Variants in SMIM14 observed in about 807,000 individuals in gnomAD.
The protein encoded by SMIM14 is chromosome 4 open reading frame 34.
In SMIM14, 5 loss-of-function variants were observed where a neutral mutation model predicts 12.6. The ratio of observed to expected loss-of-function variants is 0.40; its 90% CI spans 0.21 to 0.83. The LOEUF is 0.83. Among genes scored for constraint, SMIM14 ranks in the 40% least tolerant of loss-of-function variants. SMIM14 has a pLI of 0.37. For synonymous variants in SMIM14, 30 were observed against 40.1 expected, an observed-to-expected ratio of 0.75 and a Z score of 0.95; for missense variants, 86 against 119.1, an observed-to-expected ratio of 0.72 and a Z score of 1.29.
chr4:39,584,493 A>AAAAAAAAAAAAAAAAAAC (rs1713679117), intron 2 of SMIM14, among the ~76,000 whole-genome samples: 1 of 140,152 alleles, frequency 7.1e-6, no homozygotes, highest in Non-Finnish European at 1.6e-5. Context: ...AAAAAAAAAA[A>AAAAAAAAAAAAAAAAAAC]AAAAAAAAAA....
At chr4:39,630,018 A>G (rs1715844389) in intron 1 of SMIM14, among the ~76,000 whole-genome samples, 1 of 152,192 alleles carries the variant, frequency 6.6e-6, no homozygotes, top group Non-Finnish European at 1.5e-5. Flanking sequence ...TTTGTTAAAG[A>G]TGAATGTTAT....
In SMIM14 at chr4:39,638,805, G is replaced by C; in HGVS notation, c.-102C>G. On this transcript the variant is annotated 5_prime_UTR_variant, in exon 1 of 5. Coordinates refer to ENST00000295958, the MANE Select transcript of SMIM14 (RefSeq NM_174921.3). ...GGGACCGAGGCTCGGCAGAAAGACCGCCTGGAGCTTCCAGAAGGCTGCGGC... is the reference window on the plus strand; with the variant it reads ...GGGACCGAGGCTCGGCAGAAAGACCCCCTGGAGCTTCCAGAAGGCTGCGGC... The C allele has an allele frequency of 1.0e-6, 1 of 985,788 alleles. No individual in the cohort carries two copies. The highest frequency in any genetic ancestry group is 1.2e-6 in the Non-Finnish European group (1 of 830,210). The allele number at this position is 985,788 out of a possible 1,614,324, so 61.1% of individuals were successfully genotyped here. A position where few individuals can be genotyped will look rare whatever the true frequency, so the allele number is the denominator to read the frequency against.
intron 4 of SMIM14, among the ~76,000 whole-genome samples, chr4:39,552,496 G>A (rs1172871262): frequency 2.0e-5 from 3 of 152,166 alleles, no homozygotes; most frequent in Admixed American, 2.0e-4. Flanking sequence ...TCAAACCTAT[G>A]AAAATATCTT....
rs1261682755 is a variant in SMIM14, at chr4:39,549,519, C to G, written c.*2607G>C. 1 of 152,186 alleles carries G rather than the reference C, an allele frequency of 6.6e-6. No homozygotes were observed. The highest frequency in any genetic ancestry group is 1.5e-5 in the Non-Finnish European group (1 of 68,060). 9.4% of individuals were successfully genotyped at this position (152,186 alleles called of 1,614,324 possible). A position where few individuals can be genotyped will look rare whatever the true frequency, so the allele number is the denominator to read the frequency against. On this transcript the variant is annotated 3_prime_UTR_variant, in exon 5 of 5. Coordinates refer to ENST00000295958, the MANE Select transcript of SMIM14 (RefSeq NM_174921.3). ...AACCTCCTGACCTCAAGTGATCCAC[C>G]TGCCCCAGCCTCCCAAAGTGCTGGG...
chr4:39,590,917 GTCTATCC>G (rs1714042189), intron 2 of SMIM14, among the ~76,000 whole-genome samples: 1 of 151,932 alleles, frequency 6.6e-6, no homozygotes, highest in Non-Finnish European at 1.5e-5. Context: ...GAGACTCACC[GTCTATCC>G]TTATCTACCT....
intron 1 of SMIM14, among the ~76,000 whole-genome samples, chr4:39,607,410 T>A (rs6531728): frequency 0.93 from 141,157 of 152,248 alleles, 66,364 homozygotes; most frequent in Non-Finnish European, 1. Flanking sequence ...AATTGAGTGA[T>A]TAACATAAAT....
intron 2 of SMIM14, among the ~76,000 whole-genome samples, chr4:39,601,974 G>A (rs1056774501): frequency 6.7e-6 from 1 of 149,670 alleles, no homozygotes; most frequent in African/African-American, 2.4e-5. Context: ...AAAAATGCTA[G>A]TTTGGTGACT....
intron 2 of SMIM14, among the ~76,000 whole-genome samples, chr4:39,578,054 T>C (rs1053835231): frequency 1.3e-5 from 2 of 150,784 alleles, no homozygotes; most frequent in African/African-American, 4.8e-5. Flanking sequence ...ATGTGTTGAA[T>C]TCAAACACCT....
chr4:39,560,718 A>T (rs1288112751), intron 3 of SMIM14, among the ~76,000 whole-genome samples: 1 of 151,924 alleles, frequency 6.6e-6, no homozygotes, highest in Non-Finnish European at 1.5e-5. Context: ...TCCAAACAAA[A>T]ATCATGAGCA....
At chr4:39,579,034 G>T (rs1448580559) in intron 2 of SMIM14, among the ~76,000 whole-genome samples, 1 of 148,706 alleles carries the variant, frequency 6.7e-6, no homozygotes, top group Admixed American at 6.8e-5. Flanking sequence ...TATGAGTAAA[G>T]CAGTAATAGA....
chr4:39,585,238 A>G (rs1352556640), intron 2 of SMIM14, among the ~76,000 whole-genome samples: 1 of 151,956 alleles, frequency 6.6e-6, no homozygotes, highest in Non-Finnish European at 1.5e-5. Flanking sequence ...ATTTTGCTCC[A>G]TATTTCTACA....
At chr4:39,577,266 T>C (rs776577911) in intron 2 of SMIM14, among the ~76,000 whole-genome samples, 1 of 151,976 alleles carries the variant, frequency 6.6e-6, no homozygotes, top group African/African-American at 2.4e-5. Flanking sequence ...TCACACACAA[T>C]TGGTAATTAG....
In SMIM14 at chr4:39,550,103, G is replaced by A. The variant is rs890145710; in HGVS notation, c.*2023C>T. On this transcript the variant is annotated 3_prime_UTR_variant, in exon 5 of 5. Transcript: ENST00000295958. ...ATCAGAGACTATTAAACAGTACAAT[G>A]ATACAGAGAATTTATTCAATTCATA... 5.9e-5 allele frequency: 9 copies of A among 152,076 alleles called. No homozygotes were observed. The highest frequency in any genetic ancestry group is 1.2e-4 in the Non-Finnish European group (8 of 68,026). 9.4% of individuals were successfully genotyped at this position (152,076 alleles called of 1,614,324 possible). A position where few individuals can be genotyped will look rare whatever the true frequency, so the allele number is the denominator to read the frequency against.
chr4:39,622,250 A>G (rs1347132842), intron 1 of SMIM14, among the ~76,000 whole-genome samples: 4 of 150,392 alleles, frequency 2.7e-5, no homozygotes, highest in African/African-American at 9.8e-5. Flanking sequence ...TGCCCAGCTA[A>G]TTTTTGTATT....
In SMIM14 at chr4:39,547,331, A is replaced by G. The variant is rs1189436462; in HGVS notation, c.*4795T>C. 6.6e-6 allele frequency: 1 copy of G among 152,234 alleles called. No homozygotes were observed. The highest frequency in any genetic ancestry group is 1.5e-5 in the Non-Finnish European group (1 of 68,038). The allele number at this position is 152,234 out of a possible 1,614,324, so 9.4% of individuals were successfully genotyped here. On this transcript the variant is annotated 3_prime_UTR_variant, in exon 5 of 5. Transcript: ENST00000295958. ...CGTTTTCTATTTATTCATTAATAAA[A>G]AGTGCATAGTACAAGCCCTTTATCC...
At chr4:39,560,128 T>C (rs1242194650) in intron 3 of SMIM14, among the ~76,000 whole-genome samples, 1 of 151,788 alleles carries the variant, frequency 6.6e-6, no homozygotes, top group African/African-American at 2.4e-5. Context: ...TCTCAAAACA[T>C]AAACAAAAAC....
At chr4:39,637,984 G>A (rs930555131) in intron 1 of SMIM14, among the ~76,000 whole-genome samples, 18 of 152,168 alleles carry the variant, frequency 1.2e-4, no homozygotes, top group Admixed American at 1.1e-3. Context: ...TTTGCCAACT[G>A]GGGCAACTGA....
chr4:39,592,111 G>C (rs145651194), intron 2 of SMIM14, among the ~76,000 whole-genome samples: 1 of 151,956 alleles, frequency 6.6e-6, no homozygotes, highest in Non-Finnish European at 1.5e-5. Context: ...TGGGAGGATC[G>C]CTTGAGCCCA....
rs1348485561 is a variant in SMIM14, at chr4:39,589,450, TAC to T, written c.75+15619_75+15620del. 3 of 152,178 alleles carry T rather than the reference TAC, an allele frequency of 2.0e-5. No individual in the cohort carries two copies. In the East Asian group the frequency reaches 5.8e-4, roughly 29 times the overall value. The allele number at this position is 152,178 out of a possible 1,614,324, so 9.4% of individuals were successfully genotyped here. On this transcript the variant is annotated intron_variant, in intron 2 of 4. Transcript: ENST00000295958. The stretch of plus-strand genomic sequence containing the variant: ...ATGCTGTTTAGATTAAGAGTTGAAA[TAC>T]AGAGCTCAACAATTAAAACATAAAA...
Sources: gnomAD v4.1 joint callset for allele counts (sites outside exome capture counted in the v4.1 genomes callset) on GRCh38, gnomAD v4.1.1 for gene constraint, MANE v1.5 for transcripts, NCBI Gene and HGNC (gene_info 2026-07-23, HGNC 2026-07-21) for gene names.